Variants in NRDC observed in about 807,000 individuals in gnomAD.
NRDC encodes the protein nardilysin convertase.
A neutral mutation model predicts 147.1 loss-of-function variants in NRDC; 54 were observed. The ratio of observed to expected loss-of-function variants is 0.37; its 90% CI spans 0.29 to 0.46. The LOEUF (loss-of-function observed/expected upper bound fraction) is 0.46. Ranked by LOEUF, NRDC falls within the 20% of genes least tolerant of loss-of-function variation. The probability of loss-of-function intolerance (pLI) is 1.00; values close to 1 mark genes in which losing one functional copy is unlikely to be tolerated. For missense variants in NRDC, 1,082 were observed against 1,370.6 expected (o/e 0.79, Z 3.33); for synonymous variants, 440 against 482.1 (o/e 0.91, Z 1.14).
At chr1:51,819,995 T>C (rs2149207583) in intron 8 of NRDC, 122 bp from the exon 9 acceptor site, 1 of 722,376 alleles carries the variant, frequency 1.4e-6, no homozygotes, top group Non-Finnish European at 2.3e-6. Flanking sequence ...TGGAAAGCAT[T>C]CCAGGCATGA....
chr1:51,826,187 G>A (rs962920204), intron 5 of NRDC, among the ~76,000 whole-genome samples: 4 of 152,134 alleles, frequency 2.6e-5, no homozygotes, highest in African/African-American at 9.7e-5. Context: ...AGCCCAAATG[G>A]ACTAAAAACC....
chr1:51,813,750 T>C (rs923177436), intron 14 of NRDC, among the ~76,000 whole-genome samples: 1 of 152,242 alleles, frequency 6.6e-6, no homozygotes, highest in Non-Finnish European at 1.5e-5. Context: ...CAAGTCTCCA[T>C]GAATGTTTAT....
chr1:51,860,891 A>G (rs1476592259), intron 1 of NRDC, among the ~76,000 whole-genome samples: 2 of 152,010 alleles, frequency 1.3e-5, no homozygotes, highest in Non-Finnish European at 2.9e-5. Flanking sequence ...ATATTTCCCA[A>G]TTAAGTTGTC....
At chr1:51,797,356 C>CATT (rs1264742340) in intron 22 of NRDC, among the ~76,000 whole-genome samples, 2 of 152,148 alleles carry the variant, frequency 1.3e-5, no homozygotes, top group Non-Finnish European at 2.9e-5. Context: ...TGGAAACCAC[C>CATT]ATTATATTTT....
intron 1 of NRDC, among the ~76,000 whole-genome samples, chr1:51,856,566 G>C (rs1014227432): frequency 1.3e-5 from 2 of 152,164 alleles, no homozygotes; most frequent in Non-Finnish European, 2.9e-5. Flanking sequence ...CAGATAAAGA[G>C]ATGCACAGAG....
chr1:51,794,581 T>A lies in NRDC; in HGVS notation c.2666A>T (p.Glu889Val), dbSNP rs149924401. 157 of 1,614,208 alleles carry A rather than the reference T, an allele frequency of 9.7e-5. No individual in the cohort carries two copies. The highest frequency in any genetic ancestry group is 1.5e-4 in the Admixed American group (9 of 60,022). Residue 889 changes from glutamate to valine, a missense_variant, in exon 24 of 31, where the codon GAG becomes GTG. Glu to Val is a moderately radical substitution (Grantham distance 121). Transcript: ENST00000352171. The part of the protein sequence containing the change: ...DKLNFKPLEQ[E>V]MPVQFQVVEL... ...TACCACCTGGAACTGCACAGGCATC[T>A]CCTGCTCCAGAGGCTTGAAGTTTAG...
intron 9 of NRDC, among the ~76,000 whole-genome samples, chr1:51,819,291 C>CT (rs748176167): frequency 6.7e-6 from 1 of 149,340 alleles, no homozygotes; most frequent in African/African-American, 2.5e-5. Flanking sequence ...GAGCGAGACT[C>CT]TGTCTCCAAA....
chr1:51,815,940 T>C (rs1029247653), intron 11 of NRDC: 1 of 153,246 alleles, frequency 6.5e-6, no homozygotes, highest in Non-Finnish European at 1.5e-5. Context: ...AGTCTAGCCT[T>C]GGGGGTTAGG....
Position 51,830,624 on chromosome 1 carries a change from C to T in NRDC, c.867-2755G>A, listed in dbSNP as rs1680664240. The stretch of plus-strand genomic sequence containing the variant: ...ACTCAGGACGCCTCATCCTTTTTCA[C>T]AACCTGAAAGTGAAGATTTTGTATT... On this transcript the variant is annotated intron_variant, in intron 4 of 30. Transcript: ENST00000352171. Among the ~76,000 whole-genome samples the T allele has an allele frequency of 3.3e-5, 5 of 152,196 alleles. No homozygotes were observed. The South Asian group carries it at 1.0e-3, about 32-fold the overall frequency.
Position 51,825,281 on chromosome 1 carries a change from T to C in NRDC, c.1036+6A>G, listed in dbSNP as rs377242969. On this transcript the variant is annotated splice_donor_region_variant and intron_variant, in intron 6 of 30. Transcript: ENST00000352171. ...ATGAAATAAGATGATGTATTTAGTA[T>C]CTTACCCCAAAAAAATTTTCCCATA... 2.5e-4 allele frequency: 389 copies of C among 1,543,498 alleles called. No homozygotes were observed. The highest frequency in any genetic ancestry group is 3.3e-4 in the Non-Finnish European group (367 of 1,126,362).
At chr1:51,812,597 A>G (rs1169439027) in intron 14 of NRDC, among the ~76,000 whole-genome samples, 1 of 152,002 alleles carries the variant, frequency 6.6e-6, no homozygotes. Context: ...CATACCCTTC[A>G]TGCATCACTC....
rs146337956 is a variant in NRDC, at chr1:51,822,041, T to TTA, written c.1160-488_1160-487dup. 7.2e-3 allele frequency among the ~76,000 whole-genome samples: 1,083 copies of TTA among 150,758 alleles called. 5 individuals carry two copies. The highest frequency in any genetic ancestry group is 0.014 in the Middle Eastern group (4 of 292). ...AACTCATAGGTCTTCTTTTTAGGCTTTATATATATATATATCATACATATA... is the reference window on the plus strand; with the variant it reads ...AACTCATAGGTCTTCTTTTTAGGCTTTATATATATATATATATCATACATATA... On this transcript the variant is annotated intron_variant, in intron 7 of 30. Coordinates refer to ENST00000352171, the MANE Select transcript of NRDC (RefSeq NM_001101662.2).
At chr1:51,846,116 AT>A (rs57405511) in intron 1 of NRDC, among the ~76,000 whole-genome samples, 9,068 of 146,402 alleles carry the variant, frequency 0.062, 829 homozygotes, top group African/African-American at 0.21. Flanking sequence ...ACACTTTATA[AT>A]TTTTTTTTTT....
chr1:51,810,476 A>T, intron 15 of NRDC, 72 bp from the exon 16 acceptor site: 1 of 1,380,256 alleles, frequency 7.2e-7, no homozygotes, highest in Non-Finnish European at 9.9e-7. Context: ...AAAAGGCAAA[A>T]ATCACATTGT....
At chr1:51,869,940 A>C (rs1302690304) in intron 1 of NRDC, among the ~76,000 whole-genome samples, 1 of 152,116 alleles carries the variant, frequency 6.6e-6, no homozygotes, top group Non-Finnish European at 1.5e-5. Context: ...AGATGGAGGG[A>C]TCTCATTTTG....
chr1:51,846,990 G>C (rs776652876), intron 1 of NRDC, among the ~76,000 whole-genome samples: 2 of 152,128 alleles, frequency 1.3e-5, no homozygotes, highest in Non-Finnish European at 2.9e-5. Flanking sequence ...GACACAGAGT[G>C]CTGATTGGTG....
chr1:51,810,498 A>G lies in NRDC; in HGVS notation c.1780-94T>C. 3.7e-6 allele frequency: 4 copies of G among 1,073,442 alleles called. No homozygotes were observed. In the Admixed American group the frequency reaches 7.1e-5, roughly 19 times the overall value. 66.5% of individuals were successfully genotyped at this position (1,073,442 alleles called of 1,614,324 possible). Reference sequence around the variant, plus strand: ...AAAAATCACATTGTTAGGCACCTCCAAGATCTATGCTCATAAAAATACCTA... The same window carrying G: ...AAAAATCACATTGTTAGGCACCTCCGAGATCTATGCTCATAAAAATACCTA... On this transcript the variant is annotated intron_variant, in intron 15 of 30. Transcript: ENST00000352171.
chr1:51,874,636 A>G (rs1469852884), intron 1 of NRDC, among the ~76,000 whole-genome samples: 3 of 152,126 alleles, frequency 2.0e-5, no homozygotes, highest in African/African-American at 7.2e-5. Context: ...TAAAAAATAA[A>G]TAGAATACAC....
At chr1:51,790,509 G>GTCTT in intron 29 of NRDC, 24 bp downstream of exon 29, 1 of 1,458,896 alleles carries the variant, frequency 6.9e-7, no homozygotes, top group East Asian at 2.3e-5. Context: ...AGTTTGAGCT[G>GTCTT]TCTTACTCTG....
Sources: gnomAD v4.1 joint callset for allele counts (sites outside exome capture counted in the v4.1 genomes callset) on GRCh38, gnomAD v4.1.1 for gene constraint, MANE v1.5 for transcripts, NCBI Gene and HGNC (gene_info 2026-07-23, HGNC 2026-07-21) for gene names.